Variants in SVIL observed in about 807,000 individuals in gnomAD.
SVIL encodes archvillin.
A neutral mutation model predicts 240.4 loss-of-function variants in SVIL; 101 were observed. That is an observed-to-expected ratio of 0.42 (90% CI 0.36 to 0.50). SVIL has a LOEUF of 0.50. Among genes scored for constraint, SVIL ranks in the 20% least tolerant of loss-of-function variants. The pLI is 0.01. For missense variants in SVIL, 2,512 were observed against 2,818.7 expected, an observed-to-expected ratio of 0.89 and a Z score of 2.46; for synonymous variants, 999 against 1,100.0, an observed-to-expected ratio of 0.91 and a Z score of 1.82.
At chr10:29,479,994 G>A (rs1031392200) in intron 29 of SVIL, among the ~76,000 whole-genome samples, 14 of 152,254 alleles carry the variant, frequency 9.2e-5, no homozygotes, top group African/African-American at 1.9e-4. Flanking sequence ...ATCAGGAACC[G>A]AGGAGAGTTT....
intron 1 of SVIL, among the ~76,000 whole-genome samples, chr10:29,572,818 T>G (rs1238358891): frequency 6.8e-6 from 1 of 146,468 alleles, no homozygotes; most frequent in Non-Finnish European, 1.5e-5. Flanking sequence ...AGAGATAGGA[T>G]GAAATAATAT....
intron 2 of SVIL, among the ~76,000 whole-genome samples, chr10:29,668,404 C>T (rs149167371): frequency 4.7e-4 from 71 of 152,286 alleles, no homozygotes; most frequent in African/African-American, 1.6e-3. Flanking sequence ...TACTGCAATC[C>T]AAATGTTTAA....
chr10:29,545,039 T>C (rs774634105), intron 6 of SVIL: 1 of 534,666 alleles, frequency 1.9e-6, no homozygotes, highest in Non-Finnish European at 3.8e-6. Flanking sequence ...CCGCAGCCTG[T>C]GTCAGAAAAC....
chr10:29,462,632 C>T (rs1430425904), intron 35 of SVIL, among the ~76,000 whole-genome samples: 2 of 152,162 alleles, frequency 1.3e-5, no homozygotes, highest in African/African-American at 4.8e-5. Context: ...CTTCTTGAAC[C>T]TAACAAAACG....
chr10:29,515,899 A>G (rs1214240656), intron 16 of SVIL, among the ~76,000 whole-genome samples: 9 of 152,074 alleles, frequency 5.9e-5, no homozygotes, highest in Non-Finnish European at 1.3e-4. Flanking sequence ...CTCCTCGTCC[A>G]TCTTATACTC....
Position 29,463,569 on chromosome 10 carries a change from T to C in SVIL, c.6200A>G (p.Lys2067Arg). 1 of 1,614,146 alleles carries C rather than the reference T, an allele frequency of 6.2e-7. No individual in the cohort carries two copies. Among genetic ancestry groups the C allele is most frequent in the Non-Finnish European group, 8.5e-7 (1 of 1,180,028 alleles). ...GCGGATGCGGGCGGAACCAGTGATCTTGTTCTCGATGGGCCACCAGCCTTG... is the reference window on the plus strand; with the variant it reads ...GCGGATGCGGGCGGAACCAGTGATCCTGTTCTCGATGGGCCACCAGCCTTG... ...LWQGWWPIEN[K>R]ITGSARIRWA... Residue 2067 changes from lysine (K) to arginine (R), a missense_variant, in exon 35 of 38, where the codon AAG (lysine) becomes AGG (arginine). Coordinates refer to ENST00000355867, the MANE Select transcript of SVIL (RefSeq NM_021738.3).
At chr10:29,509,973 G>A (rs2132479940) in intron 17 of SVIL, among the ~76,000 whole-genome samples, 1 of 152,328 alleles carries the variant, frequency 6.6e-6, no homozygotes, top group African/African-American at 2.4e-5. Context: ...CACAAATACT[G>A]CTCATTGCAG....
intron 17 of SVIL, among the ~76,000 whole-genome samples, chr10:29,503,676 C>T (rs553521240): frequency 6.6e-6 from 1 of 152,064 alleles, no homozygotes; most frequent in African/African-American, 2.4e-5. Context: ...AACAGAAATG[C>T]CTTTGGCAAA....
At position 29,720,617 on chromosome 10, in the gene SVIL, G is replaced by A. The variant is rs531959223; in HGVS notation, c.-400+15134C>T. ...AGAACAGTGGAAATAGTTACTACCTGGGTAAATACATAAGAGCTTTCTCCT... is the reference window on the plus strand; with the variant it reads ...AGAACAGTGGAAATAGTTACTACCTAGGTAAATACATAAGAGCTTTCTCCT... On this transcript the variant is annotated intron_variant, in intron 1 of 35. Transcript: ENST00000375400. 5.9e-5 allele frequency among the ~76,000 whole-genome samples: 9 copies of A among 152,252 alleles called. 2 individuals carry two copies. In the South Asian group the frequency reaches 1.9e-3, roughly 32 times the overall value.
chr10:29,646,165 C>A (rs184274070), intron 3 of SVIL, among the ~76,000 whole-genome samples: 1 of 152,190 alleles, frequency 6.6e-6, no homozygotes, highest in Non-Finnish European at 1.5e-5. Context: ...GGGAAAATGA[C>A]AAGGCAATGA....
At chr10:29,463,414 A>AG (rs1188725065) in intron 35 of SVIL, 78 bp downstream of exon 35, 10 of 1,513,290 alleles carry the variant, frequency 6.6e-6, no homozygotes, top group East Asian at 4.7e-5. Context: ...CAGAAGGGGA[A>AG]GGGGGTCTCC....
Position 29,462,300 on chromosome 10 carries a change from C to T in SVIL, c.6379G>A (p.Asp2127Asn), listed in dbSNP as rs1944357502. The change falls in exon 36 of 38, where the codon GAC becomes AAC. Residue 2127 changes from aspartate to asparagine, a missense_variant. Coordinates refer to ENST00000355867, the MANE Select transcript of SVIL (RefSeq NM_021738.3). The stretch of plus-strand genomic sequence containing the variant: ...ACCATCTCTGTGATCTCAGCGATGT[C>T]CTCTCTGTGCTCCCAGCTGGGAAAC... Reference protein sequence around the residue: ...NMFPSWEHREDIAEITEMDTE... With the variant: ...NMFPSWEHRENIAEITEMDTE... 6.2e-7 allele frequency: 1 copy of T among 1,614,056 alleles called. No homozygotes were observed. Among genetic ancestry groups the T allele is most frequent in the African/African-American group, 1.3e-5 (1 of 74,922 alleles).
intron 1 of SVIL, among the ~76,000 whole-genome samples, chr10:29,624,462 T>C (rs1043549062): frequency 1.3e-5 from 2 of 152,004 alleles, no homozygotes; most frequent in African/African-American, 2.4e-5. Flanking sequence ...CACCTGAATG[T>C]GGGAGGCAGA....
Position 29,467,885 on chromosome 10 carries a change from A to G in SVIL, c.5844-10T>C. ...TGCTTCCAGGGGACATCTGCAAGGG[A>G]GAAACTCCAAGAGTTCTTTATAAGT... On this transcript the variant is annotated splice_polypyrimidine_tract_variant and intron_variant, in intron 32 of 37. Coordinates refer to ENST00000355867, the MANE Select transcript of SVIL (RefSeq NM_021738.3). 6.2e-7 allele frequency: 1 copy of G among 1,613,994 alleles called. No individual in the cohort carries two copies. Among genetic ancestry groups the G allele is most frequent in the Non-Finnish European group, 8.5e-7 (1 of 1,179,934 alleles).
In SVIL at chr10:29,470,357, A is replaced by G; in HGVS notation, c.5762T>C (p.Leu1921Pro). The change falls in exon 32 of 38, where the codon CTC (leucine) becomes CCC (proline). Residue 1921 changes from leucine to proline, a missense_variant. Physicochemically the swap from Leu to Pro is moderately conservative, Grantham distance 98. This residue lies in a region of SVIL where 797 missense variants were observed against 925.3 expected (regional missense o/e 0.86). Coordinates refer to ENST00000355867, the MANE Select transcript of SVIL (RefSeq NM_021738.3). ...TTTGCATCCGTGCCACAGGTAGATG[A>G]GGGCCTTGTTGACGTTAAGCACCAC... ...SMVVLNVNKA[L>P]IYLWHGCKAQ... 1 of 1,614,128 alleles carries G rather than the reference A, an allele frequency of 6.2e-7. No homozygotes were observed. Among genetic ancestry groups the G allele is most frequent in the East Asian group, 2.2e-5 (1 of 44,870 alleles).
At chr10:29,613,508 A>T (rs77833194) in intron 1 of SVIL, among the ~76,000 whole-genome samples, 37 of 151,482 alleles carry the variant, frequency 2.4e-4, no homozygotes, top group African/African-American at 6.8e-4. Flanking sequence ...ACTTAAAAAA[A>T]TTTTTTTTTG....
At chr10:29,573,399 G>C (rs1445607985) in intron 1 of SVIL, among the ~76,000 whole-genome samples, 2 of 151,836 alleles carry the variant, frequency 1.3e-5, no homozygotes, top group African/African-American at 4.8e-5. Flanking sequence ...TGAAATTATG[G>C]ATATAAAATT....
intron 1 of SVIL, among the ~76,000 whole-genome samples, chr10:29,718,893 T>C (rs1364921435): frequency 6.6e-6 from 1 of 152,150 alleles, no homozygotes; most frequent in Non-Finnish European, 1.5e-5. Context: ...GCAGTTTACC[T>C]GAGGTCGAGA....
chr10:29,516,525 C>T (rs983698746), intron 16 of SVIL, among the ~76,000 whole-genome samples: 2 of 152,228 alleles, frequency 1.3e-5, no homozygotes, highest in African/African-American at 4.8e-5. Context: ...CCGCAGACCA[C>T]CAGGCTCTGA....
Sources: gnomAD v4.1 joint callset for allele counts (sites outside exome capture counted in the v4.1 genomes callset) on GRCh38, gnomAD v4.1.1 for gene constraint, gnomAD v4.1.1 regional missense constraint, MANE v1.5 for transcripts, NCBI Gene and HGNC (gene_info 2026-07-23, HGNC 2026-07-21) for gene names.